MIPOL1: variants seen among roughly 807,000 people sequenced by gnomAD.
MIPOL1 encodes the protein mirror-image polydactyly 1.
A neutral mutation model predicts 60.9 loss-of-function variants in MIPOL1; 57 were observed. That is an observed-to-expected ratio of 0.94 (90% CI 0.76 to 1.17). The LOEUF (loss-of-function observed/expected upper bound fraction) is 1.17, where lower values mean the gene tolerates loss of function less well. MIPOL1 is among the 50% of genes most tolerant of loss of function. MIPOL1 has a pLI of 0.00. For synonymous variants in MIPOL1, 179 were observed against 168.8 expected (o/e 1.06, Z -0.47); for missense variants, 551 against 511.6 (o/e 1.08, Z -0.74).
chr14:37,218,938 A>G (rs1430764487), intron 1 of MIPOL1, among the ~76,000 whole-genome samples: 1 of 151,726 alleles, frequency 6.6e-6, no homozygotes, highest in Non-Finnish European at 1.5e-5. Context: ...AAAAAAAAAA[A>G]AAAAGAAAAA....
At chr14:37,388,517 A>C (rs2093141378) in intron 10 of MIPOL1, among the ~76,000 whole-genome samples, 1 of 149,012 alleles carries the variant, frequency 6.7e-6, no homozygotes, top group Non-Finnish European at 1.5e-5. Flanking sequence ...TTTTCAATCA[A>C]TTTTGTTGAC....
At chr14:37,237,189 C>G (rs1212809762) in intron 1 of MIPOL1, among the ~76,000 whole-genome samples, 2 of 152,092 alleles carry the variant, frequency 1.3e-5, no homozygotes, top group African/African-American at 4.8e-5. Flanking sequence ...CTTTTCCTAC[C>G]TGAGTTCTGA....
rs754847871 is a variant in MIPOL1, at chr14:37,529,543, G to T, written c.1263-17362G>T. 7.9e-5 allele frequency among the ~76,000 whole-genome samples: 12 copies of T among 152,246 alleles called. No homozygotes were observed. In the East Asian group the frequency reaches 1.4e-3, roughly 17 times the overall value. On this transcript the variant is annotated intron_variant, in intron 12 of 12. Coordinates refer to ENST00000684589, the MANE Select transcript of MIPOL1 (RefSeq NM_001388067.1). Reference sequence around the variant, plus strand: ...GTGTATATGTATGTATATATATAATGCTAGTAATATATTGCCATAATTTTC... The same window carrying T: ...GTGTATATGTATGTATATATATAATTCTAGTAATATATTGCCATAATTTTC...
chr14:37,256,901 G>C (rs12436023), intron 3 of MIPOL1, among the ~76,000 whole-genome samples: 1 of 151,822 alleles, frequency 6.6e-6, no homozygotes, highest in African/African-American at 2.4e-5. Flanking sequence ...ACTTTTCTGA[G>C]GCTTTATTTT....
At chr14:37,492,173 T>G (rs2095056635) in intron 11 of MIPOL1, among the ~76,000 whole-genome samples, 1 of 152,194 alleles carries the variant, frequency 6.6e-6, no homozygotes, top group African/African-American at 2.4e-5. Context: ...TCTTAGCAAA[T>G]TAATTGATGT....
intron 3 of MIPOL1, among the ~76,000 whole-genome samples, chr14:37,260,627 G>A (rs2082457281): frequency 6.6e-6 from 1 of 152,102 alleles, no homozygotes; most frequent in Non-Finnish European, 1.5e-5. Flanking sequence ...CAATCTAAAA[G>A]TATGTTGGCA....
chr14:37,422,962 T>C lies in MIPOL1; in HGVS notation c.1031+13T>C. On this transcript the variant is annotated intron_variant, in intron 11 of 12. Transcript: ENST00000684589. ...GAGTTTACTACAGGTAAAATTCTTT[T>C]TAGCCTGGGGTTAAGTAAATATTGT... The C allele has an allele frequency of 6.5e-7, 1 of 1,535,434 alleles. No individual in the cohort carries two copies. Among genetic ancestry groups the C allele is most frequent in the Middle Eastern group, 1.7e-4 (1 of 5,934 alleles).
At chr14:37,225,826 T>C (rs1386109571) in intron 1 of MIPOL1, among the ~76,000 whole-genome samples, 1 of 152,218 alleles carries the variant, frequency 6.6e-6, no homozygotes. Flanking sequence ...TCTGAACTTT[T>C]ATGCTCTGCT....
intron 10 of MIPOL1, among the ~76,000 whole-genome samples, chr14:37,405,173 A>G (rs1211476649): frequency 6.6e-6 from 1 of 152,186 alleles, no homozygotes; most frequent in African/African-American, 2.4e-5. Context: ...GAGTAGTTCT[A>G]TACAACAGTT....
intron 9 of MIPOL1, among the ~76,000 whole-genome samples, chr14:37,353,670 C>G (rs1178551587): frequency 1.3e-5 from 2 of 151,820 alleles, no homozygotes; most frequent in African/African-American, 4.8e-5. Flanking sequence ...TCCATTTCTT[C>G]TAGATTTTCT....
rs938495292 is a variant in MIPOL1, at chr14:37,550,157, C to T, written c.*3186C>T. 2 of 149,750 alleles carry T rather than the reference C, an allele frequency of 1.3e-5. No homozygotes were observed. Among genetic ancestry groups the T allele is most frequent in the Non-Finnish European group, 3.0e-5 (2 of 67,218 alleles). 9.3% of individuals were successfully genotyped at this position (149,750 alleles called of 1,614,324 possible). A position where few individuals can be genotyped will look rare whatever the true frequency, so the allele number is the denominator to read the frequency against. ...ATAAAGTTGATCCTTTGTATATTTCCTTATTCAAATAAATTCAGTCATCTT... is the reference window on the plus strand; with the variant it reads ...ATAAAGTTGATCCTTTGTATATTTCTTTATTCAAATAAATTCAGTCATCTT... On this transcript the variant is annotated 3_prime_UTR_variant, in exon 13 of 13. Coordinates refer to ENST00000684589, the MANE Select transcript of MIPOL1 (RefSeq NM_001388067.1).
chr14:37,272,223 A>G (rs1034579424), intron 6 of MIPOL1, among the ~76,000 whole-genome samples: 1 of 151,654 alleles, frequency 6.6e-6, no homozygotes, highest in African/African-American at 2.4e-5. Context: ...TAAAAGAGAT[A>G]TGTCCAACCA....
At chr14:37,523,312 T>C (rs545100657) in intron 12 of MIPOL1, among the ~76,000 whole-genome samples, 2 of 152,324 alleles carry the variant, frequency 1.3e-5, no homozygotes, top group Admixed American at 1.3e-4. Flanking sequence ...TTTTGACTAC[T>C]GGAAGTGGTT....
At chr14:37,312,180 T>G (rs889602151) in intron 9 of MIPOL1, among the ~76,000 whole-genome samples, 4 of 152,196 alleles carry the variant, frequency 2.6e-5, no homozygotes, top group Admixed American at 6.5e-5. Flanking sequence ...CTGTCTTGGC[T>G]CACTGCAACC....
chr14:37,320,651 G>A (rs1003186938), intron 9 of MIPOL1, among the ~76,000 whole-genome samples: 1 of 151,852 alleles, frequency 6.6e-6, no homozygotes, highest in African/African-American at 2.4e-5. Flanking sequence ...AATGCATTTT[G>A]TATCCTGTTT....
chr14:37,497,659 A>T (rs1004354550), intron 11 of MIPOL1, among the ~76,000 whole-genome samples: 3 of 152,218 alleles, frequency 2.0e-5, no homozygotes, highest in Non-Finnish European at 2.9e-5. Context: ...TGGAAAACAT[A>T]GTGAGAACTT....
intron 3 of MIPOL1, among the ~76,000 whole-genome samples, chr14:37,264,652 T>C (rs532188547): frequency 3.7e-4 from 56 of 152,170 alleles, no homozygotes; most frequent in African/African-American, 1.3e-3. Context: ...TAGATAGTTA[T>C]AGAAAGAATG....
chr14:37,536,183 C>T (rs1005519481), intron 12 of MIPOL1, among the ~76,000 whole-genome samples: 1 of 152,180 alleles, frequency 6.6e-6, no homozygotes, highest in Non-Finnish European at 1.5e-5. Flanking sequence ...AGTAATGAGG[C>T]TTTAACGCTA....
intron 11 of MIPOL1, among the ~76,000 whole-genome samples, chr14:37,448,042 C>A (rs567218713): frequency 1.3e-5 from 2 of 152,210 alleles, no homozygotes; most frequent in South Asian, 2.1e-4. Flanking sequence ...GAGTACCTCT[C>A]ATTACAAGGC....
Sources: allele counts gnomAD v4.1 joint callset (sites outside exome capture counted in the v4.1 genomes callset), GRCh38; gene constraint gnomAD v4.1.1; transcripts MANE v1.5; gene names NCBI Gene and HGNC (gene_info 2026-07-23, HGNC 2026-07-21).